CCNI: variants seen among roughly 807,000 people sequenced by gnomAD.
The protein encoded by CCNI is cyclin I.
A neutral mutation model predicts 34.1 loss-of-function variants in CCNI; 14 were observed. That is an observed-to-expected ratio of 0.41 (90% confidence interval 0.27 to 0.64). The LOEUF (loss-of-function observed/expected upper bound fraction) is 0.64. Ranked by LOEUF, CCNI falls within the 30% of genes least tolerant of loss-of-function variation. The pLI is 0.31. For missense variants in CCNI, 385 were observed against 440.5 expected (o/e 0.87, Z 1.13); for synonymous variants, 154 against 158.4 (o/e 0.97, Z 0.21).
In CCNI at chr4:77,075,535, C is replaced by G. The variant is rs1729868392; in HGVS notation, c.-107G>C. On this transcript the variant is annotated 5_prime_UTR_variant, in exon 1 of 7. Coordinates refer to ENST00000237654, the MANE Select transcript of CCNI (RefSeq NM_006835.3). ...AGCTGTAGGCCTCACAGTGGTGACGCGGGGTCATCCGGGGGCCCGTTACCA... is the reference window on the plus strand; with the variant it reads ...AGCTGTAGGCCTCACAGTGGTGACGGGGGGTCATCCGGGGGCCCGTTACCA... 1.3e-5 allele frequency: 13 copies of G among 988,510 alleles called. No individual in the cohort carries two copies. Among genetic ancestry groups the G allele is most frequent in the Non-Finnish European group, 1.6e-5 (13 of 830,670 alleles). The allele number at this position is 988,510 out of a possible 1,614,324, so 61.2% of individuals were successfully genotyped here.
At chr4:77,068,227 T>A (rs953077974) in intron 1 of CCNI, among the ~76,000 whole-genome samples, 2 of 152,158 alleles carry the variant, frequency 1.3e-5, no homozygotes, top group East Asian at 3.8e-4. Context: ...CTTAGCTGGA[T>A]TTGTTGAAAG....
At chr4:77,065,440 G>A (rs1302566494) in intron 2 of CCNI, among the ~76,000 whole-genome samples, 1 of 152,166 alleles carries the variant, frequency 6.6e-6, no homozygotes, top group Non-Finnish European at 1.5e-5. Context: ...TATGACAGAA[G>A]TATAAAAATT....
chr4:77,059,998 G>C (rs1301127548), intron 2 of CCNI, among the ~76,000 whole-genome samples: 1 of 152,102 alleles, frequency 6.6e-6, no homozygotes, highest in Non-Finnish European at 1.5e-5. Context: ...AACTGGGAAG[G>C]CTTTTAGGGA....
At chr4:77,075,192 C>CA (rs1215566254) in intron 1 of CCNI, 4 of 151,780 alleles carry the variant, frequency 2.6e-5, no homozygotes, top group Admixed American at 6.6e-5. Flanking sequence ...GCCGCTGCCA[C>CA]AAAAAAAAGT....
At position 77,075,652 on chromosome 4, in the gene CCNI, C is replaced by T; in HGVS notation, c.-224G>A. 3.6e-6 allele frequency: 3 copies of T among 830,780 alleles called. No homozygotes were observed. Among genetic ancestry groups the T allele is most frequent in the Non-Finnish European group, 4.4e-6 (3 of 688,108 alleles). 51.5% of individuals were successfully genotyped at this position (830,780 alleles called of 1,614,324 possible). A position where few individuals can be genotyped will look rare whatever the true frequency, so the allele number is the denominator to read the frequency against. On this transcript the variant is annotated 5_prime_UTR_variant, in exon 1 of 7. Transcript: ENST00000237654. ...GGGGAAGCGGATCGGGGGGCGCGGG[C>T]GCGGGCGCTGGCGCTCGAGCGGGAC...
chr4:77,071,354 G>A (rs992873727), intron 1 of CCNI, among the ~76,000 whole-genome samples: 6 of 152,152 alleles, frequency 3.9e-5, no homozygotes, highest in African/African-American at 1.4e-4. Flanking sequence ...TACAATTAAA[G>A]CAGTGCTTAG....
At chr4:77,056,694 A>G (rs1024016709) in intron 3 of CCNI, among the ~76,000 whole-genome samples, 1 of 146,922 alleles carries the variant, frequency 6.8e-6, no homozygotes, top group Non-Finnish European at 1.5e-5. Context: ...GGTTCATGCC[A>G]TTCTCCTGCC....
At chr4:77,059,061 T>A (rs1728426827) in intron 2 of CCNI, among the ~76,000 whole-genome samples, 1 of 152,082 alleles carries the variant, frequency 6.6e-6, no homozygotes, top group African/African-American at 2.4e-5. Flanking sequence ...AAATGAACTA[T>A]GATAATGGAA....
intron 2 of CCNI, among the ~76,000 whole-genome samples, chr4:77,062,598 G>C (rs1416401174): frequency 1.3e-5 from 2 of 151,954 alleles, no homozygotes; most frequent in Non-Finnish European, 2.9e-5. Context: ...TTTTGGCTTT[G>C]ATGAAGTAGG....
intron 3 of CCNI, among the ~76,000 whole-genome samples, chr4:77,058,192 TAAAAATAC>T (rs1728365473): frequency 6.6e-6 from 1 of 152,034 alleles, no homozygotes; most frequent in Non-Finnish European, 1.5e-5. Context: ...CTGTCTCTAC[TAAAAATAC>T]AAAAATTAGA....
At chr4:77,059,967 G>A (rs1728492966) in intron 2 of CCNI, among the ~76,000 whole-genome samples, 1 of 152,148 alleles carries the variant, frequency 6.6e-6, no homozygotes, top group South Asian at 2.1e-4. Flanking sequence ...AGGAGAGGTA[G>A]GTGATGTTAT....
At chr4:77,068,574 A>C (rs1171983859) in intron 1 of CCNI, among the ~76,000 whole-genome samples, 1 of 152,164 alleles carries the variant, frequency 6.6e-6, no homozygotes, top group Non-Finnish European at 1.5e-5. Context: ...AAAGGGTGAG[A>C]AAGGCCTAGC....
intron 3 of CCNI, chr4:77,056,586 CTTTTTTTTTTT>C: frequency 6.3e-6 from 1 of 157,570 alleles, no homozygotes; most frequent in East Asian, 1.4e-4. Context: ...CTAGAGCTAA[CTTTTTTTTTTT>C]TTTTTTTTTT....
At chr4:77,068,522 A>T (rs535667789) in intron 1 of CCNI, among the ~76,000 whole-genome samples, 2 of 152,352 alleles carry the variant, frequency 1.3e-5, no homozygotes, top group South Asian at 4.1e-4. Context: ...TAACGGGACA[A>T]GGAGGAAAGA....
chr4:77,075,894 G>GAAAAA lies in CCNI; in HGVS notation c.-471_-467dup, dbSNP rs71767036. 1.3e-5 allele frequency: 1 copy of GAAAAA among 78,634 alleles called. No individual in the cohort carries two copies. Among genetic ancestry groups the GAAAAA allele is most frequent in the East Asian group, 3.9e-4 (1 of 2,580 alleles). 4.9% of individuals were successfully genotyped at this position (78,634 alleles called of 1,614,324 possible). On this transcript the variant is annotated 5_prime_UTR_variant, in exon 1 of 7. Transcript: ENST00000237654. ...AAGGGGGGGAGGGGAGAAAAGAAAA[G>GAAAAA]AAAAAAAAAAAAAGAAAGGGGAAAG...
intron 6 of CCNI, among the ~76,000 whole-genome samples, chr4:77,051,949 T>G (rs1727874078): frequency 6.8e-6 from 1 of 146,176 alleles, no homozygotes; most frequent in East Asian, 2.0e-4. Context: ...GGGGTCTGTT[T>G]TTTTGTTTTT....
At chr4:77,070,138 C>G (rs1327040056) in intron 1 of CCNI, among the ~76,000 whole-genome samples, 1 of 151,746 alleles carries the variant, frequency 6.6e-6, no homozygotes, top group Non-Finnish European at 1.5e-5. Flanking sequence ...CTCCCTTAGC[C>G]TCCTGAGTAG....
rs531909443 is a variant in CCNI, at chr4:77,065,837, C to T, written c.114+412G>A. Among the ~76,000 whole-genome samples the T allele has an allele frequency of 3.6e-4, 55 of 152,328 alleles. 1 individual carries two copies. The South Asian group carries it at 3.7e-3, about 10-fold the overall frequency. On this transcript the variant is annotated intron_variant, in intron 2 of 6. Transcript: ENST00000237654. ...AGAAGAGGCCGGGCATGGTGGCTCA[C>T]GCCTATAATCCTACCACTTTGGGAG...
chr4:77,048,082 T>C lies in CCNI; in HGVS notation c.*137A>G, dbSNP rs935165858. On this transcript the variant is annotated 3_prime_UTR_variant, in exon 7 of 7. Transcript: ENST00000237654. Reference sequence around the variant, plus strand: ...TAATTAGCCACACAAATAATGAGAGTTTTATTTTTTTTTTCTGGCTCACTC... The same window carrying C: ...TAATTAGCCACACAAATAATGAGAGCTTTATTTTTTTTTTCTGGCTCACTC... 1 of 566,464 alleles carries C rather than the reference T, an allele frequency of 1.8e-6. No homozygotes were observed. Among genetic ancestry groups the C allele is most frequent in the Middle Eastern group, 4.7e-4 (1 of 2,130 alleles). 35.1% of individuals were successfully genotyped at this position (566,464 alleles called of 1,614,324 possible).
Sources: gnomAD v4.1 joint callset for allele counts (sites outside exome capture counted in the v4.1 genomes callset) on GRCh38, gnomAD v4.1.1 for gene constraint, MANE v1.5 for transcripts, NCBI Gene and HGNC (gene_info 2026-07-23, HGNC 2026-07-21) for gene names.